EPS8: variants seen among roughly 807,000 people sequenced by gnomAD.
The protein encoded by EPS8 is epidermal growth factor receptor kinase substrate 8.
A neutral mutation model predicts 103.8 loss-of-function variants in EPS8; 42 were observed. The observed-to-expected ratio is 0.40, with a 90% CI of 0.32 to 0.52. The LOEUF (loss-of-function observed/expected upper bound fraction) is 0.52, where lower values mean the gene tolerates loss of function less well. Among genes scored for constraint, EPS8 ranks in the 20% least tolerant of loss-of-function variants. The probability of loss-of-function intolerance (pLI) is 0.40; values close to 1 mark genes in which losing one functional copy is unlikely to be tolerated. For missense variants in EPS8, 969 were observed against 1,005.1 expected (o/e 0.96, Z 0.49); for synonymous variants, 344 against 344.6 (o/e 1.00, Z 0.02).
rs1946277456 is a variant in EPS8, at chr12:15,698,974, C to G, written c.-21-16002G>C. ...TCAGATTTGAAAAAATGTAAATGAC[C>G]ATCAATCTACTAATATAAATGGGCA... On this transcript the variant is annotated intron_variant, in intron 1 of 20. Transcript: ENST00000281172. The surrounding 1 kb of genome is among the most constrained non-coding windows in gnomAD (Gnocchi z 4.9). 6.6e-6 allele frequency among the ~76,000 whole-genome samples: 1 copy of G among 152,012 alleles called. No homozygotes were observed. Among genetic ancestry groups the G allele is most frequent in the African/African-American group, 2.4e-5 (1 of 41,372 alleles).
rs1460457858 is a variant in EPS8 at position 15,688,446 on chromosome 12, G to A, written c.-21-5474C>T. Among the ~76,000 whole-genome samples, 1 of 152,128 alleles carries A rather than the reference G, an allele frequency of 6.6e-6. No individual in the cohort carries two copies. Among genetic ancestry groups the A allele is most frequent in the Non-Finnish European group, 1.5e-5 (1 of 68,026 alleles). On this transcript the variant is annotated intron_variant, in intron 1 of 20. Transcript: ENST00000281172. The surrounding 1 kb of genome is among the most constrained non-coding windows in gnomAD (Gnocchi z 5.1). ...TGAGGACAGGCATTTTTGTTTTCCTGCCCAAATGTTGCATTTCCCAAGACC... is the reference window on the plus strand; with the variant it reads ...TGAGGACAGGCATTTTTGTTTTCCTACCCAAATGTTGCATTTCCCAAGACC...
intron 19 of EPS8, among the ~76,000 whole-genome samples, chr12:15,623,888 G>A (rs1359020056): frequency 2.0e-5 from 3 of 152,158 alleles, no homozygotes; most frequent in Admixed American, 1.3e-4. Flanking sequence ...TGTGGTCTAG[G>A]AAGTTCAGCT....
chr12:15,677,080 ATAAT>A (rs1945921486), intron 3 of EPS8, among the ~76,000 whole-genome samples: 1 of 152,174 alleles, frequency 6.6e-6, no homozygotes, highest in Admixed American at 6.5e-5. Context: ...AAATATCACT[ATAAT>A]TAATTGTCTA....
chr12:15,749,807 G>A lies in EPS8; in HGVS notation c.-22+39354C>T, dbSNP rs1227119532. On this transcript the variant is annotated intron_variant, in intron 1 of 20. Transcript: ENST00000281172. This position sits in a 1 kb window ranked among gnomAD's most constrained non-coding sequence, Gnocchi z 4.0. ...TTTTCTGTTTTCTAACATTAGTTAG[G>A]GAATATTAGTTGTGCTTCCACACAC... Among the ~76,000 whole-genome samples, 1 of 151,970 alleles carries A rather than the reference G, an allele frequency of 6.6e-6. No individual in the cohort carries two copies. The highest frequency in any genetic ancestry group is 1.5e-5 in the Non-Finnish European group (1 of 67,982).
At chr12:15,632,517 TC>T (rs1379590478) in intron 17 of EPS8, among the ~76,000 whole-genome samples, 1 of 152,192 alleles carries the variant, frequency 6.6e-6, no homozygotes, top group African/African-American at 2.4e-5. Flanking sequence ...AGGCACATTT[TC>T]TTTTTAGAAT....
Position 15,658,106 on chromosome 12 carries a change from A to T in EPS8, c.1074T>A (p.Val358=). The T allele has an allele frequency of 6.2e-7, 1 of 1,610,010 alleles. No homozygotes were observed. Among genetic ancestry groups the T allele is most frequent in the Non-Finnish European group, 8.5e-7 (1 of 1,176,998 alleles). Residue 358 remains valine, a synonymous_variant, in exon 12 of 21, where the codon GTT becomes GTA. Transcript: ENST00000281172. ...TATTTAATGGAGTAAACAAAAAGTGAACCAAATCTGCAGCACTAGGATTCT... is the reference window on the plus strand; with the variant it reads ...TATTTAATGGAGTAAACAAAAAGTGTACCAAATCTGCAGCACTAGGATTCT... ...HIQNPSAADL[V]HFLFTPLNMV... is the part of the protein sequence containing the mutation.
Position 15,647,265 on chromosome 12 carries a change from A to C in EPS8, c.1435-5T>G. The C allele has an allele frequency of 6.2e-7, 1 of 1,610,154 alleles. No individual in the cohort carries two copies. Among genetic ancestry groups the C allele is most frequent in the Non-Finnish European group, 8.5e-7 (1 of 1,178,326 alleles). ...ATACTCTGATACACTGGAATGCTGA[A>C]AGACAAAGTGGGGCAGATTAAAGAA... On this transcript the variant is annotated splice_polypyrimidine_tract_variant and splice_region_variant and intron_variant, in intron 14 of 20. Transcript: ENST00000281172.
chr12:15,775,835 A>G (rs1259173358), intron 1 of EPS8, among the ~76,000 whole-genome samples: 1 of 152,180 alleles, frequency 6.6e-6, no homozygotes, highest in Non-Finnish European at 1.5e-5. Context: ...AATTTCATTA[A>G]CTGAAACAAA....
intron 1 of EPS8, among the ~76,000 whole-genome samples, chr12:15,719,118 G>A (rs896225588): frequency 6.6e-6 from 1 of 151,968 alleles, no homozygotes; most frequent in Non-Finnish European, 1.5e-5. Flanking sequence ...CAAAAAATCA[G>A]GGGAAATGCC....
At chr12:15,687,735 C>T (rs1273630072) in intron 1 of EPS8, among the ~76,000 whole-genome samples, 1 of 152,146 alleles carries the variant, frequency 6.6e-6, no homozygotes, top group African/African-American at 2.4e-5. Context: ...ATTATATTTC[C>T]CTCCAGTTCT....
At chr12:15,623,131 A>C (rs1232594960) in intron 20 of EPS8, 27 bp downstream of exon 20, 12 of 1,577,098 alleles carry the variant, frequency 7.6e-6, no homozygotes, top group Middle Eastern at 1.7e-4. Context: ...TTGCAGAAAA[A>C]CACCACCTTA....
intron 1 of EPS8, among the ~76,000 whole-genome samples, chr12:15,770,987 T>G (rs781561183): frequency 3.6e-4 from 55 of 152,162 alleles, no homozygotes; most frequent in Non-Finnish European, 7.4e-4. Context: ...ATATGGAGCC[T>G]ACCTTAGAGG....
At position 15,747,070 on chromosome 12, in the gene EPS8, A is replaced by G. The variant is rs559267824; in HGVS notation, c.-22+42091T>C. 6.6e-6 allele frequency among the ~76,000 whole-genome samples: 1 copy of G among 152,330 alleles called. No individual in the cohort carries two copies. Among genetic ancestry groups the G allele is most frequent in the East Asian group, 1.9e-4 (1 of 5,190 alleles). On this transcript the variant is annotated intron_variant, in intron 1 of 20. Coordinates refer to ENST00000281172, the MANE Select transcript of EPS8 (RefSeq NM_004447.6). The surrounding 1 kb of genome is among the most constrained non-coding windows in gnomAD (Gnocchi z 4.4). Reference sequence around the variant, plus strand: ...CATATTTTGTACGCAGGAAGTGTTCAGAGAAAATAAACAAACTTTTCAAAC... The same window carrying G: ...CATATTTTGTACGCAGGAAGTGTTCGGAGAAAATAAACAAACTTTTCAAAC...
chr12:15,723,058 T>C (rs919305886), intron 1 of EPS8, among the ~76,000 whole-genome samples: 3 of 149,924 alleles, frequency 2.0e-5, no homozygotes, highest in African/African-American at 7.4e-5. Flanking sequence ...GCAGGGTGGC[T>C]CATGTCTATA....
rs1312277682 is a variant in EPS8 at position 15,771,425 on chromosome 12, A to C, written c.-22+17736T>G. ...TCTGAACTCAGCTTTAGCAAGACTG[A>C]TCTGAAAGTAGTAATTAACATGAAT... On this transcript the variant is annotated intron_variant, in intron 1 of 20. Coordinates refer to ENST00000281172, the MANE Select transcript of EPS8 (RefSeq NM_004447.6). This position sits in a 1 kb window ranked among gnomAD's most constrained non-coding sequence, Gnocchi z 4.6. Among the ~76,000 whole-genome samples, 1 of 152,226 alleles carries C rather than the reference A, an allele frequency of 6.6e-6. No individual in the cohort carries two copies. Among genetic ancestry groups the C allele is most frequent in the East Asian group, 1.9e-4 (1 of 5,192 alleles).
In EPS8 at chr12:15,731,594, G is replaced by A. The variant is rs1946717095; in HGVS notation, c.-21-48622C>T. 6.6e-6 allele frequency among the ~76,000 whole-genome samples: 1 copy of A among 152,146 alleles called. No homozygotes were observed. Among genetic ancestry groups the A allele is most frequent in the Non-Finnish European group, 1.5e-5 (1 of 68,032 alleles). Reference sequence around the variant, plus strand: ...ATTATAGGCATGAGCCACCATGCCTGGCCTTAATTGACTTTTAATTGGCTT... The same window carrying A: ...ATTATAGGCATGAGCCACCATGCCTAGCCTTAATTGACTTTTAATTGGCTT... On this transcript the variant is annotated intron_variant, in intron 1 of 20. Coordinates refer to ENST00000281172, the MANE Select transcript of EPS8 (RefSeq NM_004447.6). This position sits in a 1 kb window ranked among gnomAD's most constrained non-coding sequence, Gnocchi z 5.1.
chr12:15,753,959 A>T (rs1946959315), intron 1 of EPS8, among the ~76,000 whole-genome samples: 1 of 152,236 alleles, frequency 6.6e-6, no homozygotes, highest in South Asian at 2.1e-4. Context: ...ATTTCATCTT[A>T]TACCTGAGGA....
At chr12:15,719,003 T>C (rs910841357) in intron 1 of EPS8, among the ~76,000 whole-genome samples, 23 of 152,124 alleles carry the variant, frequency 1.5e-4, no homozygotes, top group Admixed American at 1.1e-3. Flanking sequence ...TCTATAATCA[T>C]GTGCTATATA....
intron 1 of EPS8, among the ~76,000 whole-genome samples, chr12:15,775,698 T>C (rs1418401366): frequency 6.6e-6 from 1 of 152,156 alleles, no homozygotes; most frequent in Admixed American, 6.6e-5. Flanking sequence ...CTTCTTTTCA[T>C]TTAGGTGTCT....
Sources: allele counts gnomAD v4.1 joint callset (sites outside exome capture counted in the v4.1 genomes callset), GRCh38; gene constraint gnomAD v4.1.1; non-coding constraint Gnocchi (gnomAD v3.1); transcripts MANE v1.5; gene names NCBI Gene and HGNC (gene_info 2026-07-23, HGNC 2026-07-21).